The following CCDC85A variants were observed in gnomAD, a reference collection of about 807,000 sequenced individuals.
CCDC85A encodes coiled-coil domain containing 85A, also known as coiled-coil domain-containing protein 85A.
A neutral mutation model predicts 50.2 loss-of-function variants in CCDC85A; 38 were observed. That is an observed-to-expected ratio of 0.76 (90% CI 0.58 to 0.99). The LOEUF (loss-of-function observed/expected upper bound fraction) is 0.99, where lower values mean the gene tolerates loss of function less well. Ranked by LOEUF, CCDC85A falls within the 50% of genes least tolerant of loss-of-function variation. The probability of loss-of-function intolerance (pLI) is 0.00; values close to 1 mark genes in which losing one functional copy is unlikely to be tolerated. For synonymous variants in CCDC85A, 366 were observed against 301.4 expected (o/e 1.21, Z -2.22); for missense variants, 820 against 742.0 (o/e 1.11, Z -1.22).
intron 2 of CCDC85A, among the ~76,000 whole-genome samples, chr2:56,340,442 A>G (rs1479802460): frequency 6.6e-6 from 1 of 152,138 alleles, no homozygotes; most frequent in Admixed American, 6.5e-5. Context: ...CTGCTTCAAT[A>G]TTAACTATGG....
chr2:56,317,245 C>T (rs1672963084), intron 2 of CCDC85A, among the ~76,000 whole-genome samples: 1 of 152,056 alleles, frequency 6.6e-6, no homozygotes, highest in Admixed American at 6.6e-5. Context: ...CTCTGATTTC[C>T]TTCCTATCAA....
chr2:56,382,914 G>A (rs541091286), intron 5 of CCDC85A, among the ~76,000 whole-genome samples: 1 of 152,030 alleles, frequency 6.6e-6, no homozygotes, highest in African/African-American at 2.4e-5. Flanking sequence ...GGCTAGAAAA[G>A]GAAAGTCCAT....
chr2:56,221,135 A>G (rs1023648134), intron 2 of CCDC85A, among the ~76,000 whole-genome samples: 1 of 152,020 alleles, frequency 6.6e-6, no homozygotes, highest in Admixed American at 6.6e-5. Flanking sequence ...TGAATAAGAG[A>G]TTAGCCACGT....
chr2:56,343,974 G>C (rs1674505250), intron 3 of CCDC85A, among the ~76,000 whole-genome samples: 1 of 152,046 alleles, frequency 6.6e-6, no homozygotes, highest in South Asian at 2.1e-4. Context: ...GATGATTTGG[G>C]CTATCAGGTA....
At chr2:56,222,004 A>G (rs1318662596) in intron 2 of CCDC85A, among the ~76,000 whole-genome samples, 1 of 152,082 alleles carries the variant, frequency 6.6e-6, no homozygotes, top group Non-Finnish European at 1.5e-5. Flanking sequence ...GCCTCCTTTT[A>G]TAATTAACCC....
chr2:56,352,300 C>T (rs1235853169), intron 3 of CCDC85A, among the ~76,000 whole-genome samples: 3 of 152,050 alleles, frequency 2.0e-5, no homozygotes, highest in Non-Finnish European at 4.4e-5. Flanking sequence ...GATCTATATT[C>T]TTTGACAATA....
intron 2 of CCDC85A, among the ~76,000 whole-genome samples, chr2:56,305,343 C>A (rs1672395653): frequency 6.6e-6 from 1 of 152,168 alleles, no homozygotes; most frequent in Non-Finnish European, 1.5e-5. Flanking sequence ...TATTTATTAT[C>A]CCCATTTTAC....
At chr2:56,318,293 G>A (rs1476691307) in intron 2 of CCDC85A, among the ~76,000 whole-genome samples, 2 of 151,976 alleles carry the variant, frequency 1.3e-5, no homozygotes, top group African/African-American at 4.8e-5. Flanking sequence ...ACCCTAATGA[G>A]GAAGGCTGTT....
intron 2 of CCDC85A, among the ~76,000 whole-genome samples, chr2:56,315,220 A>C (rs1349198621): frequency 1.3e-5 from 2 of 152,212 alleles, no homozygotes; most frequent in African/African-American, 2.4e-5. Context: ...AATTCCTTAC[A>C]TACAATCTGT....
At chr2:56,336,357 T>C (rs760797322) in intron 2 of CCDC85A, among the ~76,000 whole-genome samples, 4 of 152,128 alleles carry the variant, frequency 2.6e-5, no homozygotes, top group Non-Finnish European at 5.9e-5. Flanking sequence ...TTTCACCATA[T>C]TGTCAAGGCT....
At chr2:56,222,874 A>T (rs1043610497) in intron 2 of CCDC85A, among the ~76,000 whole-genome samples, 2 of 152,154 alleles carry the variant, frequency 1.3e-5, no homozygotes, top group African/African-American at 4.8e-5. Context: ...TTTGGAACTC[A>T]TTTGAAATTG....
intron 2 of CCDC85A, among the ~76,000 whole-genome samples, chr2:56,331,293 A>G (rs938459521): frequency 2.0e-5 from 3 of 152,156 alleles, no homozygotes; most frequent in Admixed American, 2.0e-4. Context: ...TAATGCATGC[A>G]AGGCTTAAAT....
intron 2 of CCDC85A, among the ~76,000 whole-genome samples, chr2:56,252,700 C>T (rs1027239018): frequency 3.3e-5 from 5 of 152,120 alleles, no homozygotes; most frequent in East Asian, 1.9e-4. Context: ...CGGGCCCCCC[C>T]GCCCAACCGA....
chr2:56,258,045 A>G (rs1670062358), intron 2 of CCDC85A, among the ~76,000 whole-genome samples: 1 of 152,232 alleles, frequency 6.6e-6, no homozygotes, highest in Non-Finnish European at 1.5e-5. Flanking sequence ...GATTTATCAG[A>G]GATGTTCTCC....
At chr2:56,272,764 C>T (rs1216823399) in intron 2 of CCDC85A, among the ~76,000 whole-genome samples, 2 of 152,116 alleles carry the variant, frequency 1.3e-5, no homozygotes, top group Non-Finnish European at 2.9e-5. Flanking sequence ...CAATAAAAGG[C>T]CTTTTTCTGA....
intron 2 of CCDC85A, among the ~76,000 whole-genome samples, chr2:56,198,002 A>G (rs545278423): frequency 4.1e-5 from 6 of 146,684 alleles, no homozygotes; most frequent in African/African-American, 1.5e-4. Context: ...ATTTCCCACA[A>G]GAGAATATTG....
chr2:56,310,761 A>T (rs1672652632), intron 2 of CCDC85A, among the ~76,000 whole-genome samples: 1 of 152,180 alleles, frequency 6.6e-6, no homozygotes, highest in African/African-American at 2.4e-5. Context: ...TTTTTCCAGG[A>T]TGCTAGATGG....
intron 2 of CCDC85A, among the ~76,000 whole-genome samples, chr2:56,329,960 T>G (rs1394438146): frequency 2.3e-5 from 3 of 130,328 alleles, no homozygotes; most frequent in Admixed American, 2.3e-4. Context: ...TTTTTTTTTT[T>G]TTTTTTTTTT....
chr2:56,347,453 TG>T (rs1674682969), intron 3 of CCDC85A, among the ~76,000 whole-genome samples: 1 of 152,240 alleles, frequency 6.6e-6, no homozygotes, highest in African/African-American at 2.4e-5. Flanking sequence ...AAACTAACAT[TG>T]GATCTGCTTA....
Sources: allele counts gnomAD v4.1 joint callset (sites outside exome capture counted in the v4.1 genomes callset), GRCh38; gene constraint gnomAD v4.1.1; transcripts MANE v1.5; gene names NCBI Gene and HGNC (gene_info 2026-07-23, HGNC 2026-07-21).